Variants in SUGCT observed in about 807,000 individuals in gnomAD.
SUGCT encodes the protein succinyl-CoA:glutarate CoA-transferase.
SUGCT carries 41 observed loss-of-function variants against 55.0 expected under a neutral mutation model. The observed-to-expected ratio is 0.74, with a 90% CI of 0.58 to 0.97. The LOEUF is 0.97. Ranked by LOEUF, SUGCT falls within the 50% of genes least tolerant of loss-of-function variation. The pLI, the probability that SUGCT is intolerant of heterozygous loss-of-function variation, is 0.00. For missense variants in SUGCT, 568 were observed against 547.8 expected (o/e 1.04, Z -0.37); for synonymous variants, 187 against 200.4 (o/e 0.93, Z 0.56).
intron 12 of SUGCT, among the ~76,000 whole-genome samples, chr7:40,590,292 A>G (rs1385555369): frequency 6.6e-6 from 1 of 152,142 alleles, no homozygotes. Flanking sequence ...TAATAACCCT[A>G]TATTGGCCTT....
chr7:40,602,990 A>G (rs1196441945), intron 12 of SUGCT, among the ~76,000 whole-genome samples: 3 of 152,204 alleles, frequency 2.0e-5, no homozygotes, highest in African/African-American at 7.2e-5. Flanking sequence ...AGGAGCTGGC[A>G]TAGTAATTCT....
chr7:40,514,858 T>C (rs1307938261), intron 12 of SUGCT, among the ~76,000 whole-genome samples: 6 of 151,826 alleles, frequency 4.0e-5, no homozygotes, highest in Admixed American at 2.6e-4. Context: ...ATAATCAGGA[T>C]ATTGATGATA....
intron 6 of SUGCT, among the ~76,000 whole-genome samples, chr7:40,207,348 A>G (rs910145044): frequency 6.6e-6 from 1 of 152,182 alleles, no homozygotes; most frequent in Non-Finnish European, 1.5e-5. Context: ...GATGCACACC[A>G]AAACCACAAC....
chr7:40,383,210 T>C (rs945393316), intron 9 of SUGCT, among the ~76,000 whole-genome samples: 3 of 152,204 alleles, frequency 2.0e-5, no homozygotes, highest in African/African-American at 4.8e-5. Context: ...TTTGAAATTA[T>C]ATACATATTT....
chr7:40,931,230 A>T, the SUGCT span, among the ~76,000 whole-genome samples: 3 of 152,138 alleles, frequency 2.0e-5, no homozygotes, highest in African/African-American at 7.2e-5. Flanking sequence ...ACATTTATTG[A>T]TTTACATATG....
chr7:40,530,652 A>T (rs184830387), intron 12 of SUGCT, among the ~76,000 whole-genome samples: 174 of 152,356 alleles, frequency 1.1e-3, no homozygotes, highest in Non-Finnish European at 1.9e-3. Context: ...TCTTTATAAA[A>T]CACATCTCAG....
intron 12 of SUGCT, among the ~76,000 whole-genome samples, chr7:40,705,045 G>A (rs1394228889): frequency 6.6e-6 from 1 of 152,128 alleles, no homozygotes; most frequent in Non-Finnish European, 1.5e-5. Context: ...TGTACATTCA[G>A]AAATTTTCAA....
intron 12 of SUGCT, among the ~76,000 whole-genome samples, chr7:40,710,998 T>A (rs945919127): frequency 6.6e-6 from 1 of 152,082 alleles, no homozygotes; most frequent in Non-Finnish European, 1.5e-5. Flanking sequence ...GTTGCCTGAG[T>A]TGGTTGATAT....
chr7:40,275,676 A>G (rs1250999512), intron 8 of SUGCT, among the ~76,000 whole-genome samples: 1 of 152,224 alleles, frequency 6.6e-6, no homozygotes, highest in East Asian at 1.9e-4. Flanking sequence ...AGAGGTGATG[A>G]AAATAAAGAT....
chr7:40,885,529 A>G, the SUGCT span, among the ~76,000 whole-genome samples: 4 of 152,242 alleles, frequency 2.6e-5, no homozygotes, highest in Admixed American at 2.6e-4. Context: ...CCCCAGCCAG[A>G]CAGCCCAGGT....
At chr7:40,731,531 C>T (rs1786887256) in intron 12 of SUGCT, among the ~76,000 whole-genome samples, 4 of 152,156 alleles carry the variant, frequency 2.6e-5, no homozygotes, top group Admixed American at 2.6e-4. Context: ...CAGGAATCCT[C>T]AGAAAATAAT....
the SUGCT span, among the ~76,000 whole-genome samples, chr7:40,982,341 G>A: frequency 6.6e-6 from 1 of 152,192 alleles, no homozygotes; most frequent in South Asian, 2.1e-4. Context: ...CTAGGACAAT[G>A]TGACCTGGCA....
chr7:40,747,147 G>A (rs979047211), intron 12 of SUGCT, among the ~76,000 whole-genome samples: 1 of 152,154 alleles, frequency 6.6e-6, no homozygotes, highest in Non-Finnish European at 1.5e-5. Context: ...GCCAGCTCTT[G>A]AGTACAAACC....
chr7:41,035,359 C>T, the SUGCT span, among the ~76,000 whole-genome samples: 1 of 152,204 alleles, frequency 6.6e-6, no homozygotes, highest in East Asian at 1.9e-4. Flanking sequence ...CTTCACCTCT[C>T]ATCCAGGAAC....
At chr7:41,027,386 G>A in the SUGCT span, among the ~76,000 whole-genome samples, 3 of 152,218 alleles carry the variant, frequency 2.0e-5, no homozygotes, top group Admixed American at 6.5e-5. Flanking sequence ...CTTCTCCTTG[G>A]TGACATTGTG....
At chr7:40,502,361 C>CAT (rs1792330184) in intron 12 of SUGCT, among the ~76,000 whole-genome samples, 1 of 151,670 alleles carries the variant, frequency 6.6e-6, no homozygotes, top group Non-Finnish European at 1.5e-5. Flanking sequence ...TTTTGCAACC[C>CAT]AGAATAAAGA....
intron 12 of SUGCT, among the ~76,000 whole-genome samples, chr7:40,610,747 C>G (rs1798730754): frequency 6.6e-6 from 1 of 152,196 alleles, no homozygotes; most frequent in African/African-American, 2.4e-5. Flanking sequence ...CCCTTGGAAT[C>G]CCAGTGCTGG....
the SUGCT span, among the ~76,000 whole-genome samples, chr7:40,995,540 C>T: frequency 6.6e-6 from 1 of 152,058 alleles, no homozygotes; most frequent in Non-Finnish European, 1.5e-5. Flanking sequence ...ATGAATAATG[C>T]CCTGGATTGT....
chr7:40,928,022 T>C, the SUGCT span, among the ~76,000 whole-genome samples: 1 of 152,128 alleles, frequency 6.6e-6, no homozygotes, highest in Non-Finnish European at 1.5e-5. Context: ...AGTCAAATTG[T>C]TCCTTGGAAA....
Sources: gnomAD v4.1 joint callset for allele counts (sites outside exome capture counted in the v4.1 genomes callset) on GRCh38, gnomAD v4.1.1 for gene constraint, MANE v1.5 for transcripts, NCBI Gene and HGNC (gene_info 2026-07-23, HGNC 2026-07-21) for gene names.